SUCLG2: variants seen among roughly 807,000 people sequenced by gnomAD.
SUCLG2 encodes succinate-CoA ligase GDP-forming subunit beta, also known as succinate--CoA ligase [GDP-forming] subunit beta, mitochondrial.
SUCLG2 carries 42 observed loss-of-function variants against 47.9 expected under a neutral mutation model. The observed-to-expected ratio is 0.88, with a 90% CI of 0.69 to 1.14. The LOEUF is 1.14. Ranked by LOEUF, SUCLG2 falls within the 50% of genes most tolerant of loss-of-function variation. SUCLG2 has a pLI of 0.00. For synonymous variants in SUCLG2, 195 were observed against 197.3 expected (o/e 0.99, Z 0.10); for missense variants, 571 against 525.9 (o/e 1.09, Z -0.84).
Position 67,521,468 on chromosome 3 carries a change from T to C in SUCLG2, c.418-834A>G, listed in dbSNP as rs192449257. Among the ~76,000 whole-genome samples the C allele has an allele frequency of 3.1e-3, 467 of 152,312 alleles. 2 individuals carry two copies. The highest frequency in any genetic ancestry group is 4.2e-3 in the Non-Finnish European group (285 of 68,024). ...TTTGCTCTGTAGGACTTGAATTTCATGTAACAGCCCCACCAGGAAAAACCA... is the reference window on the plus strand; with the variant it reads ...TTTGCTCTGTAGGACTTGAATTTCACGTAACAGCCCCACCAGGAAAAACCA... On this transcript the variant is annotated intron_variant, in intron 4 of 10. Transcript: ENST00000307227.
Position 67,381,658 on chromosome 3 carries a change from C to G in SUCLG2, c.1184-5799G>C, listed in dbSNP as rs9875143. 3.1e-3 allele frequency among the ~76,000 whole-genome samples: 475 copies of G among 152,274 alleles called. 1 individual carries two copies. Among genetic ancestry groups the G allele is most frequent in the African/African-American group, 0.011 (458 of 41,548 alleles). On this transcript the variant is annotated intron_variant, in intron 10 of 10. Coordinates refer to ENST00000307227, the MANE Select transcript of SUCLG2 (RefSeq NM_003848.4). ...ACTGATCAACTCATGCTGGTGGAAC[C>G]TCAGGCACTTCTTAATATCTGCTTG...
intron 1 of SUCLG2, among the ~76,000 whole-genome samples, chr3:67,646,079 T>C (rs1220991477): frequency 3.7e-5 from 1 of 26,862 alleles, no homozygotes; most frequent in South Asian, 1.2e-3. Flanking sequence ...GGGAGGGGAA[T>C]GGAGGGGAGG....
At chr3:67,373,264 AT>A (rs57090152), downstream of SUCLG2, among the ~76,000 whole-genome samples, 2 of 150,544 alleles carry the variant, frequency 1.3e-5, no homozygotes, top group East Asian at 1.9e-4. Flanking sequence ...TCTTAATGAC[AT>A]TTTTTTTTTC....
chr3:67,459,180 G>A (rs1469583043), intron 9 of SUCLG2, among the ~76,000 whole-genome samples: 2 of 152,238 alleles, frequency 1.3e-5, no homozygotes, highest in East Asian at 3.9e-4. Flanking sequence ...ACAGTTTTAC[G>A]TTTTCCTCAT....
At chr3:67,540,893 A>G (rs1706687199) in intron 2 of SUCLG2, among the ~76,000 whole-genome samples, 1 of 152,284 alleles carries the variant, frequency 6.6e-6, no homozygotes, top group African/African-American at 2.4e-5. Flanking sequence ...CACTAGTGAT[A>G]CTCAGGCAAA....
At position 67,399,619 on chromosome 3, in the gene SUCLG2, A is replaced by T. The variant is rs549811879; in HGVS notation, c.1183+1112T>A. 4.6e-5 allele frequency among the ~76,000 whole-genome samples: 7 copies of T among 152,082 alleles called. No homozygotes were observed. In the South Asian group the frequency reaches 1.5e-3, roughly 32 times the overall value. On this transcript the variant is annotated intron_variant, in intron 10 of 10. Transcript: ENST00000307227. ...GATGGTGGTAATATTAACAAATGTGATTTTTTTTATATTGTACATTGAAAT... is the reference window on the plus strand; with the variant it reads ...GATGGTGGTAATATTAACAAATGTGTTTTTTTTTATATTGTACATTGAAAT...
intron 9 of SUCLG2, among the ~76,000 whole-genome samples, chr3:67,460,407 C>T (rs1704303043): frequency 6.6e-6 from 1 of 152,110 alleles, no homozygotes. Flanking sequence ...TGCTATAATA[C>T]CTTATTCTCA....
At chr3:67,486,314 G>A (rs1350049470) in intron 9 of SUCLG2, among the ~76,000 whole-genome samples, 1 of 151,990 alleles carries the variant, frequency 6.6e-6, no homozygotes, top group Admixed American at 6.6e-5. Flanking sequence ...AGGAAAGAAA[G>A]AGAAAGAAAA....
chr3:67,446,549 C>A (rs1350316045), intron 9 of SUCLG2, among the ~76,000 whole-genome samples: 1 of 150,586 alleles, frequency 6.6e-6, no homozygotes, highest in Admixed American at 6.6e-5. Context: ...CCTGCCTCAC[C>A]CTCCCGAGTA....
At chr3:67,480,654 G>T (rs1248858138) in intron 9 of SUCLG2, among the ~76,000 whole-genome samples, 1 of 152,210 alleles carries the variant, frequency 6.6e-6, no homozygotes, top group Admixed American at 6.5e-5. Flanking sequence ...GAGGTAGGTG[G>T]CCTCTTTCAT....
At chr3:67,539,422 G>T (rs1387313870) in intron 2 of SUCLG2, among the ~76,000 whole-genome samples, 1 of 152,210 alleles carries the variant, frequency 6.6e-6, no homozygotes, top group African/African-American at 2.4e-5. Flanking sequence ...CTTCATCGTG[G>T]TGGATAAGCT....
intron 2 of SUCLG2, among the ~76,000 whole-genome samples, chr3:67,567,297 ATT>A (rs36047981): frequency 9.0e-4 from 133 of 148,152 alleles, no homozygotes; most frequent in Middle Eastern, 3.5e-3. Context: ...CTATATCAGG[ATT>A]TTTTTTTTTT....
chr3:67,415,296 C>T (rs149097552), intron 9 of SUCLG2, among the ~76,000 whole-genome samples: 308 of 152,180 alleles, frequency 2.0e-3, no homozygotes, highest in Non-Finnish European at 3.8e-3. Context: ...AGGATTTCTC[C>T]GGCTACAAAA....
intron 10 of SUCLG2, among the ~76,000 whole-genome samples, chr3:67,395,780 T>C (rs1393115294): frequency 2.6e-5 from 4 of 152,152 alleles, no homozygotes; most frequent in Admixed American, 2.6e-4. Context: ...AGTAAAGCTC[T>C]CCTCAGCTAA....
At chr3:67,474,591 C>T (rs1249013359) in intron 9 of SUCLG2, among the ~76,000 whole-genome samples, 1 of 152,138 alleles carries the variant, frequency 6.6e-6, no homozygotes, top group Non-Finnish European at 1.5e-5. Context: ...TTTAGAAGGG[C>T]TCATGTAATT....
Position 67,649,447 on chromosome 3 carries a change from T to G in SUCLG2, c.84+5056A>C, listed in dbSNP as rs1701248303. 3.3e-5 allele frequency among the ~76,000 whole-genome samples: 5 copies of G among 152,330 alleles called. 1 individual carries two copies. The South Asian group carries it at 1.0e-3, about 32-fold the overall frequency. ...TGATATTTGTTTGATTTTTCAGTTG[T>G]GGGGGTTAATTTTATTCCCTGCTGA... On this transcript the variant is annotated intron_variant, in intron 1 of 10. Transcript: ENST00000307227.
intron 10 of SUCLG2, among the ~76,000 whole-genome samples, chr3:67,377,383 C>A (rs1012557223): frequency 6.6e-6 from 1 of 152,170 alleles, no homozygotes; most frequent in African/African-American, 2.4e-5. Context: ...GTATCTGTGG[C>A]AGGCCTGGCT....
intron 9 of SUCLG2, among the ~76,000 whole-genome samples, chr3:67,460,429 A>G (rs1287079943): frequency 6.6e-6 from 1 of 152,212 alleles, no homozygotes; most frequent in Non-Finnish European, 1.5e-5. Flanking sequence ...CAATCTTCAC[A>G]TCAACTTTGT....
chr3:67,538,117 T>C (rs938936899), intron 2 of SUCLG2, among the ~76,000 whole-genome samples: 2 of 152,250 alleles, frequency 1.3e-5, no homozygotes, highest in Admixed American at 6.5e-5. Context: ...GCTATTGCTT[T>C]GGCGTTTTAG....
Sources: gnomAD v4.1 joint callset for allele counts (sites outside exome capture counted in the v4.1 genomes callset) on GRCh38, gnomAD v4.1.1 for gene constraint, MANE v1.5 for transcripts, NCBI Gene and HGNC (gene_info 2026-07-23, HGNC 2026-07-21) for gene names.